The following NUP50 variants were observed in gnomAD, a reference collection of about 807,000 sequenced individuals.
NUP50 encodes the protein nuclear pore complex protein Nup50.
In NUP50, 14 loss-of-function variants were observed where a neutral mutation model predicts 36.8. That is an observed-to-expected ratio of 0.38 (90% CI 0.25 to 0.59). The LOEUF (loss-of-function observed/expected upper bound fraction) is 0.59. Ranked by LOEUF, NUP50 falls within the 20% of genes least tolerant of loss-of-function variation. The pLI is 0.63. For missense variants in NUP50, 455 were observed against 564.6 expected, an observed-to-expected ratio of 0.81 and a Z score of 1.97; for synonymous variants, 195 against 210.8, an observed-to-expected ratio of 0.93 and a Z score of 0.65.
intron 7 of NUP50, chr22:45,183,878 A>T: frequency 4.2e-6 from 1 of 237,448 alleles, no homozygotes; most frequent in East Asian, 1.1e-4. Flanking sequence ...TTTTAACCTG[A>T]AAAGAGTCCA....
intron 3 of NUP50, among the ~76,000 whole-genome samples, chr22:45,174,017 T>C (rs961871309): frequency 1.3e-5 from 2 of 152,132 alleles, no homozygotes; most frequent in Non-Finnish European, 2.9e-5. Context: ...GGAGATGTAT[T>C]GGTGAGTAAA....
In NUP50 at chr22:45,167,612, A is replaced by T. The variant is rs565352721; in HGVS notation, c.-10-556A>T. Among the ~76,000 whole-genome samples the T allele has an allele frequency of 4.6e-5, 7 of 152,362 alleles. 1 individual carries two copies. In the East Asian group the frequency reaches 1.3e-3, roughly 29 times the overall value. On this transcript the variant is annotated intron_variant, in intron 1 of 7. Coordinates refer to ENST00000347635, the MANE Select transcript of NUP50 (RefSeq NM_007172.4). ...TTGGCAATATACAATTTGAAGCAAC[A>T]AAATGTTCAGTCTTGGGAACCATGT...
intron 6 of NUP50, among the ~76,000 whole-genome samples, chr22:45,182,642 T>G (rs1363637761): frequency 1.5e-5 from 2 of 130,958 alleles, no homozygotes; most frequent in Non-Finnish European, 3.2e-5. Flanking sequence ...TTTTTTTTTT[T>G]GAGACGGAGT....
At chr22:45,167,510 A>G (rs1601765862) in intron 1 of NUP50, among the ~76,000 whole-genome samples, 2 of 152,290 alleles carry the variant, frequency 1.3e-5, no homozygotes, top group East Asian at 1.9e-4. Flanking sequence ...AGTTAAGCCA[A>G]TGATTTGTTT....
Position 45,178,544 on chromosome 22 carries a change from C to G in NUP50, c.647C>G (p.Ala216Gly). ...TCTGAAAGTGAATCTAACAAAGTGG[C>G]AGCTGAAACACAGTCTCCTTCCCTT... is the stretch of plus-strand genomic sequence containing the variant. ...RNSESESNKVAAETQSPSLFG... is the reference protein window; with the variant it reads ...RNSESESNKVGAETQSPSLFG... Residue 216 changes from alanine (A) to glycine (G), a missense_variant, in exon 5 of 8, where the codon GCA (alanine) becomes GGA (glycine). By Grantham distance (60) the Ala-to-Gly change is moderately conservative. Around this residue, in one of 3 missense-constraint regions of NUP50, gnomAD observed 287 missense variants for 345.5 expected, o/e 0.83. Transcript: ENST00000347635. 2 of 1,612,026 alleles carry G rather than the reference C, an allele frequency of 1.2e-6. No individual in the cohort carries two copies. The highest frequency in any genetic ancestry group is 1.1e-5 in the South Asian group (1 of 90,992).
At chr22:45,169,969 T>C (rs1397577994) in intron 2 of NUP50, among the ~76,000 whole-genome samples, 4 of 152,248 alleles carry the variant, frequency 2.6e-5, no homozygotes, top group East Asian at 1.9e-4. Context: ...TGGTTCCTCT[T>C]TGAAGTTCTT....
chr22:45,173,006 G>C (rs1462197835), intron 3 of NUP50, among the ~76,000 whole-genome samples: 1 of 152,162 alleles, frequency 6.6e-6, no homozygotes, highest in Non-Finnish European at 1.5e-5. Flanking sequence ...CATGGCTAAT[G>C]TCATAAGTGT....
chr22:45,185,129 C>A lies in NUP50; in HGVS notation c.*474C>A, dbSNP rs780052391. On this transcript the variant is annotated 3_prime_UTR_variant, in exon 8 of 8. Coordinates refer to ENST00000347635, the MANE Select transcript of NUP50 (RefSeq NM_007172.4). ...AGACTTGTTCTGTTACCAAATGAAC[C>A]GGGCTGCCACGCTGTGACAGGCGTT... 5.7e-6 allele frequency: 1 copy of A among 176,800 alleles called. No individual in the cohort carries two copies. The highest frequency in any genetic ancestry group is 1.2e-5 in the Non-Finnish European group (1 of 82,300). The allele number at this position is 176,800 out of a possible 1,614,324, so 11.0% of individuals were successfully genotyped here.
Position 45,186,059 on chromosome 22 carries a change from G to A in NUP50, c.*1404G>A, listed in dbSNP as rs2074465931. On this transcript the variant is annotated 3_prime_UTR_variant, in exon 8 of 8. Coordinates refer to ENST00000347635, the MANE Select transcript of NUP50 (RefSeq NM_007172.4). ...CTACAGTCTTTAGGTGTAAGGTTTGGCGCCGGGAGCAATTTTATGATCAAA... is the reference window on the plus strand; with the variant it reads ...CTACAGTCTTTAGGTGTAAGGTTTGACGCCGGGAGCAATTTTATGATCAAA... 6.6e-6 allele frequency: 1 copy of A among 152,228 alleles called. No homozygotes were observed. The highest frequency in any genetic ancestry group is 6.5e-5 in the Admixed American group (1 of 15,280). 9.4% of individuals were successfully genotyped at this position (152,228 alleles called of 1,614,324 possible).
In NUP50 at chr22:45,166,334, C is replaced by T. The variant is rs1476115425; in HGVS notation, c.-10-1834C>T. 2.9e-5 allele frequency: 4 copies of T among 135,634 alleles called. No individual in the cohort carries two copies. The East Asian group carries it at 9.0e-4, about 31-fold the overall frequency. The allele number at this position is 135,634 out of a possible 1,614,324, so 8.4% of individuals were successfully genotyped here. Reference sequence around the variant, plus strand: ...ATGGAGTCTTGCTCTGTCACATAGGCTGGAGTGCATTGGCGCGATCTCAGC... The same window carrying T: ...ATGGAGTCTTGCTCTGTCACATAGGTTGGAGTGCATTGGCGCGATCTCAGC... On this transcript the variant is annotated intron_variant, in intron 1 of 7. Coordinates refer to ENST00000347635, the MANE Select transcript of NUP50 (RefSeq NM_007172.4).
intron 1 of NUP50, among the ~76,000 whole-genome samples, chr22:45,167,894 T>C (rs2147665258): frequency 6.6e-6 from 1 of 152,334 alleles, no homozygotes; most frequent in Admixed American, 6.5e-5. Flanking sequence ...TTTTAATTTT[T>C]CCAAATGGAG....
At position 45,185,017 on chromosome 22, in the gene NUP50, CGA is replaced by C. The variant is rs2074447829; in HGVS notation, c.*368_*369del. 2 of 303,406 alleles carry C rather than the reference CGA, an allele frequency of 6.6e-6. No individual in the cohort carries two copies. Among genetic ancestry groups the C allele is most frequent in the South Asian group, 3.1e-5 (1 of 32,294 alleles). 18.8% of individuals were successfully genotyped at this position (303,406 alleles called of 1,614,324 possible). On this transcript the variant is annotated 3_prime_UTR_variant, in exon 8 of 8. Transcript: ENST00000347635. Reference sequence around the variant, plus strand: ...TGGGTTTTGGGGTCCACCGCCACCACGAGAGAGGCTTTTGAACAGGTGCCTGG... The same window carrying C: ...TGGGTTTTGGGGTCCACCGCCACCACGAGAGGCTTTTGAACAGGTGCCTGG...
intron 7 of NUP50, chr22:45,183,759 AAG>A (rs1292563954): frequency 6.7e-6 from 3 of 447,690 alleles, no homozygotes; most frequent in Non-Finnish European, 8.1e-6. Context: ...AAATGTGACT[AAG>A]AAGCTAGAGA....
chr22:45,166,788 G>A (rs2074101967), intron 1 of NUP50, among the ~76,000 whole-genome samples: 1 of 143,878 alleles, frequency 7.0e-6, no homozygotes, highest in African/African-American at 2.6e-5. Context: ...ACTTAACCAA[G>A]TGTTTTTGGG....
rs778229170 is a variant in NUP50 at position 45,183,457 on chromosome 22, C to T, written c.1141C>T (p.Leu381=). The change falls in exon 7 of 8, where the codon CTG becomes TTG. Residue 381 remains leucine, a synonymous_variant. Transcript: ENST00000347635. ...GTTTAAAGAGAAAGGCATAGGTACT[C>T]TGCATTTAAAACCTACAGCAAATCA... ...NEFKEKGIGT[L]HLKPTANQKT... is the part of the protein sequence containing the mutation. 1.2e-6 allele frequency: 2 copies of T among 1,611,688 alleles called. No individual in the cohort carries two copies. The highest frequency in any genetic ancestry group is 1.1e-5 in the South Asian group (1 of 90,998).
At chr22:45,183,345 CTG>C (rs1319353927) in intron 6 of NUP50, 55 bp from the exon 7 acceptor site, 8 of 992,188 alleles carry the variant, frequency 8.1e-6, no homozygotes, top group Middle Eastern at 3.1e-4. Context: ...TGTTAGAAAA[CTG>C]TGTGACTTGA....
In NUP50 at chr22:45,175,936, G is replaced by A. The variant is rs367919884; in HGVS notation, c.196G>A (p.Val66Ile). 1 of 1,613,982 alleles carries A rather than the reference G, an allele frequency of 6.2e-7. No individual in the cohort carries two copies. Among genetic ancestry groups the A allele is most frequent in the African/African-American group, 1.3e-5 (1 of 74,874 alleles). Residue 66 changes from valine to isoleucine, a missense_variant, in exon 4 of 8, where the codon GTA (valine) becomes ATA (isoleucine). By Grantham distance (29) the Val-to-Ile change is conservative (BLOSUM62 3). This residue lies in a region of NUP50 where 166 missense variants were observed against 202.8 expected (regional missense o/e 0.82). Transcript: ENST00000347635. ...GAFKGFKGLV[V>I]PSGGGRFSGF... Reference sequence around the variant, plus strand: ...CTTTAAAGGTTTTAAAGGTTTGGTGGTACCTTCTGGAGGAGGACGCTTTTC... The same window carrying A: ...CTTTAAAGGTTTTAAAGGTTTGGTGATACCTTCTGGAGGAGGACGCTTTTC...
chr22:45,174,052 T>C (rs1832509544), intron 3 of NUP50, among the ~76,000 whole-genome samples: 1 of 152,146 alleles, frequency 6.6e-6, no homozygotes. Context: ...TCTTGCCCTA[T>C]GGAAGAGAAC....
chr22:45,174,216 C>T (rs554720685), intron 3 of NUP50, among the ~76,000 whole-genome samples: 10 of 146,820 alleles, frequency 6.8e-5, no homozygotes, highest in South Asian at 2.1e-4. Context: ...GGGTCTTTGT[C>T]GCCCAGGGTG....
Sources: gnomAD v4.1 joint callset for allele counts (sites outside exome capture counted in the v4.1 genomes callset) on GRCh38, gnomAD v4.1.1 for gene constraint, gnomAD v4.1.1 regional missense constraint, MANE v1.5 for transcripts, NCBI Gene and HGNC (gene_info 2026-07-23, HGNC 2026-07-21) for gene names.